The following DNAAF9 variants were observed in gnomAD, a reference collection of about 807,000 sequenced individuals.
DNAAF9 encodes dynein axonemal assembly factor 9.
Under a neutral mutation model 167.0 loss-of-function variants are expected in DNAAF9, and 90 were observed. The observed-to-expected ratio is 0.54, with a 90% CI of 0.45 to 0.64. The LOEUF is 0.64. Among genes scored for constraint, DNAAF9 ranks in the 30% least tolerant of loss-of-function variants. DNAAF9 has a pLI of 0.00. For synonymous variants in DNAAF9, 491 were observed against 508.8 expected, an observed-to-expected ratio of 0.96 and a Z score of 0.47; for missense variants, 1,315 against 1,442.2, an observed-to-expected ratio of 0.91 and a Z score of 1.43.
intron 36 of DNAAF9, among the ~76,000 whole-genome samples, chr20:3,253,428 T>C (rs1336973965): frequency 1.3e-5 from 2 of 151,764 alleles, no homozygotes; most frequent in African/African-American, 2.4e-5. Flanking sequence ...GCAGCAAGAG[T>C]GAAACTCCAT....
At position 3,316,793 on chromosome 20, in the gene DNAAF9, T is replaced by C. The variant is rs761611224; in HGVS notation, c.1469A>G (p.Asp490Gly). 2.5e-6 allele frequency: 4 copies of C among 1,612,288 alleles called. No individual in the cohort carries two copies. The Admixed American group carries it at 6.7e-5, about 27-fold the overall frequency. ...GCTGGTTTCTGTGGTAACAGTGCCATCTGCAGGAACACCACACACATGCCA... is the reference window on the plus strand; with the variant it reads ...GCTGGTTTCTGTGGTAACAGTGCCACCTGCAGGAACACCACACACATGCCA... ...LTSQILVKEK[D>G]GTVTTETSSV... Residue 490 changes from aspartate (D) to glycine (G), a missense_variant and splice_region_variant, in exon 18 of 37, where the codon GAT becomes GGT. Around this residue, in one of 2 missense-constraint regions of DNAAF9, gnomAD observed 981 missense variants for 1,012.5 expected, o/e 0.97. Coordinates refer to ENST00000252032, the MANE Select transcript of DNAAF9 (RefSeq NM_001009984.3).
At chr20:3,291,250 G>T in intron 25 of DNAAF9, among the ~76,000 whole-genome samples, 1 of 152,244 alleles carries the variant, frequency 6.6e-6, no homozygotes, top group East Asian at 1.9e-4. Flanking sequence ...CACTGAAAAA[G>T]GAGGCATCAG....
chr20:3,257,588 G>T (rs2068303235), intron 33 of DNAAF9, among the ~76,000 whole-genome samples: 1 of 152,142 alleles, frequency 6.6e-6, no homozygotes, highest in Non-Finnish European at 1.5e-5. Context: ...CTGTCGCCCA[G>T]GCTGGAGTGC....
In DNAAF9 at chr20:3,318,234, C is replaced by CA. The variant is rs59462924; in HGVS notation, c.1468+54dup. ...TGCCTTAGTTTATAGTTTATTTTGC[C>CA]AAAAAAAAAAAAAAAAGGCTTAAGG... On this transcript the variant is annotated intron_variant, in intron 17 of 36. Transcript: ENST00000252032. 8.0e-3 allele frequency: 4,984 copies of CA among 619,254 alleles called. 5 individuals carry two copies. The highest frequency in any genetic ancestry group is 9.1e-3 in the Non-Finnish European group (3,252 of 356,440). The allele number at this position is 619,254 out of a possible 1,614,324, so 38.4% of individuals were successfully genotyped here. A position where few individuals can be genotyped will look rare whatever the true frequency, so the allele number is the denominator to read the frequency against.
chr20:3,288,386 G>A (rs1568580307), intron 26 of DNAAF9, among the ~76,000 whole-genome samples: 1 of 152,200 alleles, frequency 6.6e-6, no homozygotes, highest in South Asian at 2.1e-4. Flanking sequence ...GGAGGCAGAG[G>A]TTGCAGTGAG....
intron 6 of DNAAF9, among the ~76,000 whole-genome samples, chr20:3,361,098 T>C (rs1296778159): frequency 1.3e-5 from 2 of 152,162 alleles, no homozygotes; most frequent in Non-Finnish European, 2.9e-5. Flanking sequence ...CTTTCCAACC[T>C]TACCTGATGT....
chr20:3,318,383 A>G lies in DNAAF9; in HGVS notation c.1374T>C (p.Tyr458=). The change falls in exon 17 of 37, where the codon TAT becomes TAC. Residue 458 remains tyrosine, a synonymous_variant. Coordinates refer to ENST00000252032, the MANE Select transcript of DNAAF9 (RefSeq NM_001009984.3). ...TGCCTCCCAGTAAGTCAGGAATGTC[A>G]TAGACGGCCATACAAGCCTGCATTG... ...SFVKTACMAV[Y]DIPDLLGGNG... The G allele has an allele frequency of 6.3e-7, 1 of 1,585,086 alleles. No homozygotes were observed. The highest frequency in any genetic ancestry group is 8.7e-7 in the Non-Finnish European group (1 of 1,153,892).
At chr20:3,277,193 C>A (rs1253041701) in intron 29 of DNAAF9, among the ~76,000 whole-genome samples, 5 of 152,222 alleles carry the variant, frequency 3.3e-5, no homozygotes, top group African/African-American at 1.2e-4. Flanking sequence ...CCTCACCTCT[C>A]CACTCAGATC....
chr20:3,260,050 T>C (rs1363049999), intron 31 of DNAAF9, 22 bp from the exon 32 acceptor site: 1 of 1,467,052 alleles, frequency 6.8e-7, no homozygotes, highest in Non-Finnish European at 9.6e-7. Flanking sequence ...TAAAAAATTT[T>C]AAGTACAGGC....
chr20:3,373,940 A>T, intron 6 of DNAAF9, 108 bp downstream of exon 6: 1 of 682,348 alleles, frequency 1.5e-6, no homozygotes, highest in Non-Finnish European at 2.6e-6. Context: ...TGCCCTTGTG[A>T]GGTAACTGCC....
chr20:3,349,205 A>AAAAAAAAAAC (rs2070261162), intron 7 of DNAAF9, among the ~76,000 whole-genome samples: 11 of 59,184 alleles, frequency 1.9e-4, no homozygotes, highest in African/African-American at 7.4e-4. Context: ...AAAAAAAAAC[A>AAAAAAAAAAC]AAAAAAAAAA....
Position 3,343,747 on chromosome 20 carries a change from C to T in DNAAF9, c.790-16G>A. 2 of 1,597,212 alleles carry T rather than the reference C, an allele frequency of 1.3e-6. No homozygotes were observed. The highest frequency in any genetic ancestry group is 1.7e-6 in the Non-Finnish European group (2 of 1,165,244). ...TTCTGAATGGCTAAAAAGAAGCCAA[C>T]ATTGTATATATTAAGAACACAATTT... On this transcript the variant is annotated splice_polypyrimidine_tract_variant and intron_variant, in intron 8 of 36. Transcript: ENST00000252032.
At chr20:3,289,342 G>T (rs1013098475) in intron 26 of DNAAF9, among the ~76,000 whole-genome samples, 1 of 152,050 alleles carries the variant, frequency 6.6e-6, no homozygotes, top group African/African-American at 2.4e-5. Flanking sequence ...TACTTGGGAG[G>T]GTCAGGTGGG....
chr20:3,341,029 G>A (rs957068653), intron 9 of DNAAF9, among the ~76,000 whole-genome samples: 8 of 152,156 alleles, frequency 5.3e-5, no homozygotes, highest in Non-Finnish European at 1.2e-4. Flanking sequence ...GGACTAGACA[G>A]ACAATAGGGC....
chr20:3,306,405 C>G (rs1042276282), intron 20 of DNAAF9, among the ~76,000 whole-genome samples: 3 of 152,180 alleles, frequency 2.0e-5, no homozygotes, highest in African/African-American at 7.2e-5. Flanking sequence ...AATCTTTGTT[C>G]TGTTAAAAGA....
intron 27 of DNAAF9, among the ~76,000 whole-genome samples, chr20:3,284,173 C>CTTTT (rs200633758): frequency 9.3e-5 from 11 of 118,262 alleles, no homozygotes; most frequent in Non-Finnish European, 1.2e-4. Flanking sequence ...TTACTAGAGT[C>CTTTT]TTTTTTTTTT....
At chr20:3,362,042 AT>A in intron 6 of DNAAF9, 2 of 1,454,560 alleles carry the variant, frequency 1.4e-6, no homozygotes, top group Non-Finnish European at 1.9e-6. Flanking sequence ...CATTAGAACT[AT>A]TAACTCCATT....
chr20:3,360,950 A>G (rs894955817), intron 6 of DNAAF9, among the ~76,000 whole-genome samples: 2 of 152,180 alleles, frequency 1.3e-5, no homozygotes, highest in Middle Eastern at 3.2e-3. Context: ...TTTTCACCTT[A>G]TCAAAACCTG....
intron 27 of DNAAF9, among the ~76,000 whole-genome samples, chr20:3,285,108 AAAC>A (rs1457443704): frequency 6.6e-6 from 1 of 152,210 alleles, no homozygotes; most frequent in Non-Finnish European, 1.5e-5. Flanking sequence ...TCAATTTTTA[AAAC>A]AACAACTAAC....
Sources: allele counts gnomAD v4.1 joint callset (sites outside exome capture counted in the v4.1 genomes callset), GRCh38; gene constraint gnomAD v4.1.1; regional missense constraint gnomAD v4.1.1; transcripts MANE v1.5; gene names NCBI Gene and HGNC (gene_info 2026-07-23, HGNC 2026-07-21).